Variants in LRRC20 observed in about 807,000 individuals in gnomAD.
LRRC20 encodes the protein leucine rich repeat containing 20.
A neutral mutation model predicts 14.4 loss-of-function variants in LRRC20; 11 were observed. The observed-to-expected ratio is 0.77, with a 90% CI of 0.48 to 1.27. The LOEUF is 1.27. LRRC20 is among the 50% of genes most tolerant of loss of function. LRRC20 has a pLI of 0.00. For synonymous variants in LRRC20, 121 were observed against 107.3 expected (o/e 1.13, Z -0.79); for missense variants, 219 against 251.2 (o/e 0.87, Z 0.87).
chr10:70,370,462 A>G (rs149846678), intron 2 of LRRC20, among the ~76,000 whole-genome samples: 139 of 152,356 alleles, frequency 9.1e-4, no homozygotes, highest in Middle Eastern at 3.4e-3. Flanking sequence ...GTCCTGTTAC[A>G]GAAAAAGCAG....
At chr10:70,348,224 A>G (rs1225661035) in intron 2 of LRRC20, among the ~76,000 whole-genome samples, 2 of 152,104 alleles carry the variant, frequency 1.3e-5, no homozygotes, top group Admixed American at 1.3e-4. Context: ...CCCTGCTGGG[A>G]TGTGATGCAA....
intron 3 of LRRC20, among the ~76,000 whole-genome samples, chr10:70,333,617 G>A (rs941190047): frequency 6.6e-6 from 1 of 152,212 alleles, no homozygotes; most frequent in Non-Finnish European, 1.5e-5. Context: ...CCATGCAGGG[G>A]TCACAAACAG....
chr10:70,355,568 G>A (rs1323173529), intron 2 of LRRC20, among the ~76,000 whole-genome samples: 1 of 152,156 alleles, frequency 6.6e-6, no homozygotes. Context: ...TGAGACGTGG[G>A]GAAACCACTC....
At chr10:70,358,391 T>C (rs529532639) in intron 2 of LRRC20, among the ~76,000 whole-genome samples, 2 of 152,302 alleles carry the variant, frequency 1.3e-5, no homozygotes, top group South Asian at 4.1e-4. Context: ...AGGGCTGCAG[T>C]TACCAACTGA....
intron 1 of LRRC20, 80 bp from the exon 2 acceptor site, chr10:70,376,676 C>G: frequency 1.4e-6 from 1 of 730,978 alleles, no homozygotes; most frequent in East Asian, 2.6e-5. Flanking sequence ...CATCCTTCTC[C>G]CCCAGGACCC....
At chr10:70,319,943 C>G (rs1842012829) in intron 4 of LRRC20, among the ~76,000 whole-genome samples, 1 of 152,212 alleles carries the variant, frequency 6.6e-6, no homozygotes, top group African/African-American at 2.4e-5. Context: ...TGCTGTGTGT[C>G]TGCCAGGGAG....
At chr10:70,312,434 A>T (rs1419673489) in intron 4 of LRRC20, among the ~76,000 whole-genome samples, 2 of 152,158 alleles carry the variant, frequency 1.3e-5, no homozygotes, top group Admixed American at 6.5e-5. Context: ...AGGCGGGGAC[A>T]GGGGCTGAGC....
chr10:70,318,153 C>A (rs1169448503), intron 4 of LRRC20, among the ~76,000 whole-genome samples: 3 of 152,174 alleles, frequency 2.0e-5, no homozygotes, highest in Non-Finnish European at 2.9e-5. Flanking sequence ...CCTATTGAAG[C>A]CACTTTGAGA....
intron 3 of LRRC20, among the ~76,000 whole-genome samples, chr10:70,333,545 A>C (rs1842615644): frequency 6.6e-6 from 1 of 152,210 alleles, no homozygotes; most frequent in South Asian, 2.1e-4. Flanking sequence ...AGGATGCTGA[A>C]GCCCATGATG....
At position 70,300,278 on chromosome 10, in the gene LRRC20, A is replaced by T; in HGVS notation, c.*1076T>A. 1 of 815,148 alleles carries T rather than the reference A, an allele frequency of 1.2e-6. No individual in the cohort carries two copies. The highest frequency in any genetic ancestry group is 1.5e-6 in the Non-Finnish European group (1 of 674,632). 50.5% of individuals were successfully genotyped at this position (815,148 alleles called of 1,614,324 possible). A position where few individuals can be genotyped will look rare whatever the true frequency, so the allele number is the denominator to read the frequency against. On this transcript the variant is annotated 3_prime_UTR_variant, in exon 5 of 5. Coordinates refer to ENST00000446961, the MANE Select transcript of LRRC20 (RefSeq NM_001278212.2). ...GACCAACCATCCCCACTTGCTGGGTACTGTCCCAGTTTTAGCATTGAAAGT... is the reference window on the plus strand; with the variant it reads ...GACCAACCATCCCCACTTGCTGGGTTCTGTCCCAGTTTTAGCATTGAAAGT...
intron 2 of LRRC20, among the ~76,000 whole-genome samples, chr10:70,361,871 G>C (rs1843734837): frequency 6.6e-6 from 1 of 152,206 alleles, no homozygotes; most frequent in African/African-American, 2.4e-5. Flanking sequence ...AACTGAGATT[G>C]AGGCAGATGC....
At chr10:70,339,252 A>G (rs909670079) in intron 3 of LRRC20, among the ~76,000 whole-genome samples, 3 of 152,234 alleles carry the variant, frequency 2.0e-5, no homozygotes, top group East Asian at 3.8e-4. Flanking sequence ...GGATTCTTCA[A>G]AGTCTCAAGG....
intron 2 of LRRC20, among the ~76,000 whole-genome samples, chr10:70,350,245 C>T (rs1843251256): frequency 6.6e-6 from 1 of 152,222 alleles, no homozygotes; most frequent in South Asian, 2.1e-4. Context: ...CAGCCCCAGC[C>T]ACTGACACCT....
intron 2 of LRRC20, among the ~76,000 whole-genome samples, chr10:70,346,177 C>T (rs527793370): frequency 1.6e-4 from 24 of 152,192 alleles, no homozygotes; most frequent in African/African-American, 1.2e-4. Flanking sequence ...TGCCTGAACC[C>T]GGGAGGCCAA....
chr10:70,352,945 A>G (rs1018415008), intron 2 of LRRC20, among the ~76,000 whole-genome samples: 1 of 152,106 alleles, frequency 6.6e-6, no homozygotes, highest in Non-Finnish European at 1.5e-5. Context: ...ACAGAACATT[A>G]TAAACTTTTT....
rs1842876139 is a variant in LRRC20, at chr10:70,340,595, A to G, written c.190T>C (p.Ser64Pro). The change falls in exon 3 of 5, where the codon TCC (serine) becomes CCC (proline). Residue 64 changes from serine to proline, a missense_variant. Coordinates refer to ENST00000446961, the MANE Select transcript of LRRC20 (RefSeq NM_001278212.2). ...GTGGTCATGAACTTGCTGGTGAGGG[A>G]CTTAAGCTCGTTGTTAGCCAGGGTG... is the stretch of plus-strand genomic sequence containing the variant. The part of the protein sequence containing the change: ...LITLANNELK[S>P]LTSKFMTTFS... The G allele has an allele frequency of 6.2e-7, 1 of 1,614,022 alleles. No individual in the cohort carries two copies. The highest frequency in any genetic ancestry group is 8.5e-7 in the Non-Finnish European group (1 of 1,180,030).
At chr10:70,322,885 C>A (rs1394288178) in intron 4 of LRRC20, among the ~76,000 whole-genome samples, 1 of 151,976 alleles carries the variant, frequency 6.6e-6, no homozygotes, top group African/African-American at 2.4e-5. Flanking sequence ...GCCTGTGGCA[C>A]CGCTGACAGA....
chr10:70,315,237 G>A (rs1003108462), intron 4 of LRRC20, among the ~76,000 whole-genome samples: 19 of 152,146 alleles, frequency 1.2e-4, no homozygotes, highest in African/African-American at 4.1e-4. Context: ...TGTTCTATTT[G>A]TGTCTCCAGC....
chr10:70,321,882 G>A (rs1842090491), intron 4 of LRRC20, among the ~76,000 whole-genome samples: 1 of 152,206 alleles, frequency 6.6e-6, no homozygotes, highest in Non-Finnish European at 1.5e-5. Flanking sequence ...TTCTTGGTAA[G>A]AAGTAAGATG....
Sources: gnomAD v4.1 joint callset for allele counts (sites outside exome capture counted in the v4.1 genomes callset) on GRCh38, gnomAD v4.1.1 for gene constraint, MANE v1.5 for transcripts, NCBI Gene and HGNC (gene_info 2026-07-23, HGNC 2026-07-21) for gene names.